The following TRPM4 variants were observed in gnomAD, a reference collection of about 807,000 sequenced individuals.
TRPM4 encodes transient receptor potential cation channel subfamily M member 4.
Under a neutral mutation model 135.6 loss-of-function variants are expected in TRPM4, and 124 were observed. The observed-to-expected ratio is 0.91, with a 90% CI of 0.79 to 1.06. TRPM4 has a LOEUF of 1.06. Ranked by LOEUF, TRPM4 falls within the 50% of genes least tolerant of loss-of-function variation. The pLI is 0.00. For missense variants in TRPM4, 1,658 were observed against 1,671.4 expected, an observed-to-expected ratio of 0.99 and a Z score of 0.14; for synonymous variants, 745 against 705.6, an observed-to-expected ratio of 1.06 and a Z score of -0.88.
chr19:49,164,363 A>C (rs1410206724), intron 2 of TRPM4, among the ~76,000 whole-genome samples: 3 of 10,070 alleles, frequency 3.0e-4, no homozygotes, highest in Non-Finnish European at 5.1e-4. Flanking sequence ...TTCTTTCCTT[A>C]GTTTTTTTTT....
At chr19:49,175,067 CTT>C (rs772062913) in intron 9 of TRPM4, among the ~76,000 whole-genome samples, 18 of 77,584 alleles carry the variant, frequency 2.3e-4, no homozygotes, top group African/African-American at 1.0e-3. Context: ...TCATGCCTGG[CTT>C]TTTTTTTTTT....
rs1017680366 is a variant in TRPM4, at chr19:49,193,082, T to G, written c.2210+2309T>G. The stretch of plus-strand genomic sequence containing the variant: ...TCAATTCTTTTGAAAATCAGTTGGT[T>G]TTTTTTTTTTTTTTTTGAGATGGAG... On this transcript the variant is annotated intron_variant, in intron 16 of 24. Transcript: ENST00000252826. Among the ~76,000 whole-genome samples the G allele has an allele frequency of 1.6e-3, 239 of 146,842 alleles. 3 individuals carry two copies. Among genetic ancestry groups the G allele is most frequent in the African/African-American group, 5.5e-3 (221 of 40,448 alleles).
intron 9 of TRPM4, among the ~76,000 whole-genome samples, chr19:49,172,367 T>A (rs1967495877): frequency 6.6e-6 from 1 of 152,188 alleles, no homozygotes; most frequent in South Asian, 2.1e-4. Context: ...CATGTACAGA[T>A]CGATCTTTCC....
chr19:49,196,732 G>C lies in TRPM4; in HGVS notation c.2503G>C (p.Gly835Arg). Residue 835 changes from glycine (G) to arginine (R), a missense_variant, in exon 17 of 25, where the codon GGA becomes CGA. Transcript: ENST00000252826. ...LCEELRQGLS[G>R]GGGSLASGGP... ...CGAGGAACTGCGCCAGGGCCTGAGC[G>C]GAGGCGGGGGCAGCCTCGCCAGCGG... 3 of 1,551,250 alleles carry C rather than the reference G, an allele frequency of 1.9e-6. No individual in the cohort carries two copies. The highest frequency in any genetic ancestry group is 2.6e-6 in the Non-Finnish European group (3 of 1,154,918).
intron 10 of TRPM4, among the ~76,000 whole-genome samples, chr19:49,182,075 T>TGC: frequency 7.0e-6 from 1 of 142,884 alleles, no homozygotes; most frequent in African/African-American, 2.7e-5. Flanking sequence ...CATCCATCCA[T>TGC]CCATCCATCC....
At chr19:49,160,986 G>A (rs1600387219) in intron 2 of TRPM4, among the ~76,000 whole-genome samples, 1 of 152,188 alleles carries the variant, frequency 6.6e-6, no homozygotes, top group Non-Finnish European at 1.5e-5. Flanking sequence ...CTGGGACACA[G>A]TGGGGCTGTC....
At position 49,211,436 on chromosome 19, in the gene TRPM4, T is replaced by C. The variant is rs1969366199; in HGVS notation, c.3641-58T>C. 1 of 1,613,166 alleles carries C rather than the reference T, an allele frequency of 6.2e-7. No homozygotes were observed. Among genetic ancestry groups the C allele is most frequent in the African/African-American group, 1.3e-5 (1 of 75,048 alleles). On this transcript the variant is annotated intron_variant, in intron 24 of 24. Coordinates refer to ENST00000252826, the MANE Select transcript of TRPM4 (RefSeq NM_017636.4). The surrounding 1 kb of genome is among the most constrained non-coding windows in gnomAD (Gnocchi z 4.8). ...CTTCTTTTTTGCCAGTCTCCCAGTTTTTCTGTCTCTCCCCTTCCCTGCCAA... is the reference window on the plus strand; with the variant it reads ...CTTCTTTTTTGCCAGTCTCCCAGTTCTTCTGTCTCTCCCCTTCCCTGCCAA...
In TRPM4 at chr19:49,206,121, C is replaced by T. The variant is rs190594497; in HGVS notation, c.3131+3980C>T. On this transcript the variant is annotated intron_variant, in intron 20 of 24. Transcript: ENST00000252826. ...GATTACAGGCACCTGCCACCACGCC[C>T]GGCTAATTTTTTTGTATTTTTGGTA... Among the ~76,000 whole-genome samples the T allele has an allele frequency of 2.1e-3, 321 of 152,058 alleles. 1 individual carries two copies. The highest frequency in any genetic ancestry group is 7.5e-3 in the African/African-American group (312 of 41,496).
At chr19:49,202,625 T>G (rs1193027721) in intron 20 of TRPM4, among the ~76,000 whole-genome samples, 1 of 151,558 alleles carries the variant, frequency 6.6e-6, no homozygotes, top group Non-Finnish European at 1.5e-5. Context: ...GCTGGGATAA[T>G]CTGTCACCTA....
intron 17 of TRPM4, among the ~76,000 whole-genome samples, chr19:49,199,029 C>T (rs1259838017): frequency 6.6e-6 from 1 of 152,110 alleles, no homozygotes; most frequent in Non-Finnish European, 1.5e-5. Flanking sequence ...TCCACACCTG[C>T]CATCAGGGTA....
At chr19:49,196,125 T>C (rs914758477) in intron 16 of TRPM4, among the ~76,000 whole-genome samples, 1 of 151,988 alleles carries the variant, frequency 6.6e-6, no homozygotes, top group South Asian at 2.1e-4. Flanking sequence ...CCCAAAGTGC[T>C]GCGATTACAG....
In TRPM4 at chr19:49,178,410, C is replaced by T. The variant is rs566915080; in HGVS notation, c.1151-2939C>T. 1.8e-3 allele frequency among the ~76,000 whole-genome samples: 268 copies of T among 152,026 alleles called. 2 individuals are homozygous for T. The highest frequency in any genetic ancestry group is 5.9e-3 in the African/African-American group (245 of 41,494). Reference sequence around the variant, plus strand: ...CTGCAGTGATGGTGTTTGGGGGTGCCGAAGCTTGAGCTATAGCTGGGGCCA... The same window carrying T: ...CTGCAGTGATGGTGTTTGGGGGTGCTGAAGCTTGAGCTATAGCTGGGGCCA... On this transcript the variant is annotated intron_variant, in intron 9 of 24. Coordinates refer to ENST00000252826, the MANE Select transcript of TRPM4 (RefSeq NM_017636.4).
In TRPM4 at chr19:49,211,373, GTC is replaced by G. The variant is rs1170712027; in HGVS notation, c.3640+107_3640+108del. ...CCAGTGTCCCTGGGTCACTCTCTTG[GTC>G]TCCTTTGAGCCTTTTGTACTCTCGC... On this transcript the variant is annotated intron_variant, in intron 24 of 24. Transcript: ENST00000252826. The surrounding 1 kb of genome is among the most constrained non-coding windows in gnomAD (Gnocchi z 4.8). 1.9e-6 allele frequency: 3 copies of G among 1,584,860 alleles called. No individual in the cohort carries two copies. The highest frequency in any genetic ancestry group is 2.6e-6 in the Non-Finnish European group (3 of 1,158,772).
At chr19:49,183,001 G>T (rs1462785789) in intron 11 of TRPM4, 77 bp from the exon 12 acceptor site, 1 of 1,601,332 alleles carries the variant, frequency 6.2e-7, no homozygotes, top group East Asian at 2.2e-5. Context: ...ATGGGGCGTG[G>T]CCAAACCAGA....
intron 20 of TRPM4, among the ~76,000 whole-genome samples, chr19:49,205,048 C>T (rs944786427): frequency 5.4e-5 from 8 of 149,436 alleles, no homozygotes; most frequent in Non-Finnish European, 1.2e-4. Flanking sequence ...TCTTGAACCC[C>T]TGGGCTCAAG....
In TRPM4 at chr19:49,210,717, CCTTT is replaced by C. The variant is rs1054561100; in HGVS notation, c.3339_3342del (p.Ser1114ArgfsTer8). 2 of 1,614,142 alleles carry C rather than the reference CCTTT, an allele frequency of 1.2e-6. No homozygotes were observed. Among genetic ancestry groups the C allele is most frequent in the Non-Finnish European group, 1.7e-6 (2 of 1,180,032 alleles). On this transcript the variant is annotated frameshift_variant, in exon 22 of 25. Coordinates refer to ENST00000252826, the MANE Select transcript of TRPM4 (RefSeq NM_017636.4). LOFTEE classifies it high-confidence loss of function. The surrounding 1 kb of genome is among the most constrained non-coding windows in gnomAD (Gnocchi z 4.1). ...CTCCGCCCGCCCCTGCAGGGGTTTA[CCTTT>C]CTAAGGAAGCCGAGCGGAAGCTGCT...
chr19:49,209,991 C>G (rs751472547), intron 20 of TRPM4, among the ~76,000 whole-genome samples: 9 of 152,108 alleles, frequency 5.9e-5, no homozygotes, highest in Admixed American at 2.0e-4. Flanking sequence ...TGAGGTGATC[C>G]GCCCACTCCG....
chr19:49,171,110 T>C lies in TRPM4; in HGVS notation c.797-247T>C, dbSNP rs543439074. On this transcript the variant is annotated intron_variant, in intron 6 of 24. Coordinates refer to ENST00000252826, the MANE Select transcript of TRPM4 (RefSeq NM_017636.4). This position sits in a 1 kb window ranked among gnomAD's most constrained non-coding sequence, Gnocchi z 4.7. ...GCTCATGCCTATAATCCCAGCACTTTGGGAGTCCAAGTTGGGAGGATTGCT... is the reference window on the plus strand; with the variant it reads ...GCTCATGCCTATAATCCCAGCACTTCGGGAGTCCAAGTTGGGAGGATTGCT... 4.6e-4 allele frequency among the ~76,000 whole-genome samples: 70 copies of C among 152,264 alleles called. No individual in the cohort carries two copies. Among genetic ancestry groups the C allele is most frequent in the African/African-American group, 1.6e-3 (68 of 41,562 alleles).
chr19:49,188,558 ACT>A (rs1968280647), intron 12 of TRPM4, 81 bp from the exon 13 acceptor site: 1 of 1,600,240 alleles, frequency 6.2e-7, no homozygotes, highest in Admixed American at 1.7e-5. Flanking sequence ...CTGACCTCTG[ACT>A]CTGTTCCTTC....
Sources: allele counts gnomAD v4.1 joint callset (sites outside exome capture counted in the v4.1 genomes callset), GRCh38; gene constraint gnomAD v4.1.1; non-coding constraint Gnocchi (gnomAD v3.1); transcripts MANE v1.5; gene names NCBI Gene and HGNC (gene_info 2026-07-23, HGNC 2026-07-21).